The following CDKL4 variants were observed in gnomAD, a reference collection of about 807,000 sequenced individuals.
The protein encoded by CDKL4 is cyclin dependent kinase like 4, also known as cyclin-dependent kinase-like 4.
CDKL4 carries 44 observed loss-of-function variants against 42.0 expected under a neutral mutation model. The ratio of observed to expected loss-of-function variants is 1.05; its 90% CI spans 0.82 to 1.35. The LOEUF (loss-of-function observed/expected upper bound fraction) is 1.35. CDKL4 is among the 40% of genes most tolerant of loss of function. The pLI, the probability that CDKL4 is intolerant of heterozygous loss-of-function variation, is 0.00. For missense variants in CDKL4, 393 were observed against 369.9 expected, an observed-to-expected ratio of 1.06 and a Z score of -0.51; for synonymous variants, 120 against 121.6, an observed-to-expected ratio of 0.99 and a Z score of 0.09.
chr2:39,186,793 G>T (rs886216538), intron 7 of CDKL4, among the ~76,000 whole-genome samples: 3 of 151,812 alleles, frequency 2.0e-5, no homozygotes, highest in African/African-American at 7.3e-5. Context: ...GTCTTTATGA[G>T]AATATAATTA....
intron 8 of CDKL4, among the ~76,000 whole-genome samples, chr2:39,180,342 T>C (rs1462600183): frequency 6.6e-6 from 1 of 152,246 alleles, no homozygotes; most frequent in Non-Finnish European, 1.5e-5. Flanking sequence ...TGAGGCATTC[T>C]CAAGCCCAGA....
intron 8 of CDKL4, among the ~76,000 whole-genome samples, chr2:39,180,588 T>C (rs1258157548): frequency 1.3e-5 from 2 of 152,080 alleles, no homozygotes; most frequent in African/African-American, 4.8e-5. Context: ...AGATGACCCC[T>C]AATTAATGAC....
intron 1 of CDKL4, among the ~76,000 whole-genome samples, chr2:39,240,281 C>T (rs1679596697): frequency 6.9e-6 from 1 of 145,334 alleles, no homozygotes; most frequent in African/African-American, 2.8e-5. Flanking sequence ...AATAAATCAG[C>T]TGGGTGTGGT....
chr2:39,189,400 C>T (rs928593396), intron 6 of CDKL4, among the ~76,000 whole-genome samples: 4 of 152,178 alleles, frequency 2.6e-5, no homozygotes, highest in Admixed American at 2.0e-4. Context: ...TCTGTTTCCT[C>T]GTTTATAACA....
At position 39,188,607 on chromosome 2, in the gene CDKL4, G is replaced by T. The variant is rs548429943; in HGVS notation, c.653-898C>A. ...AAAAAAAAAGACAAGGTGAGAGAAT[G>T]GTACTATGGTCTTTACACACATTAT... On this transcript the variant is annotated intron_variant, in intron 6 of 9. Transcript: ENST00000451199. Among the ~76,000 whole-genome samples the T allele has an allele frequency of 1.0e-4, 15 of 143,462 alleles. No individual in the cohort carries two copies. The South Asian group carries it at 3.4e-3, about 33-fold the overall frequency. The allele number at this position is 143,462 out of a possible 152,430, so 94.1% of individuals were successfully genotyped here.
intron 4 of CDKL4, among the ~76,000 whole-genome samples, chr2:39,205,776 A>G (rs922648791): frequency 1.5e-4 from 23 of 150,782 alleles, no homozygotes; most frequent in African/African-American, 5.3e-4. Flanking sequence ...AAAAAAAAAA[A>G]AAAAGAAAGA....
intron 3 of CDKL4, among the ~76,000 whole-genome samples, chr2:39,218,581 C>A (rs926918382): frequency 6.6e-6 from 1 of 152,164 alleles, no homozygotes; most frequent in Non-Finnish European, 1.5e-5. Context: ...AATCAGTAGA[C>A]CGCGTAAAGA....
At chr2:39,203,520 T>A (rs1676981874) in intron 5 of CDKL4, among the ~76,000 whole-genome samples, 1 of 152,218 alleles carries the variant, frequency 6.6e-6, no homozygotes, top group Admixed American at 6.5e-5. Context: ...TCACTTAATT[T>A]CCTAAATTGA....
chr2:39,224,405 T>C (rs1678563400), intron 3 of CDKL4, among the ~76,000 whole-genome samples: 1 of 151,914 alleles, frequency 6.6e-6, no homozygotes, highest in Non-Finnish European at 1.5e-5. Flanking sequence ...ATCTCAGTTT[T>C]GTAGTTGTCT....
intron 7 of CDKL4, among the ~76,000 whole-genome samples, chr2:39,185,297 TATACACATATGTATATATAC>T (rs1675697629): frequency 2.8e-5 from 1 of 35,472 alleles, no homozygotes; most frequent in Non-Finnish European, 8.2e-5. Flanking sequence ...TATACATATA[TATACACATATGTATATATAC>T]ATATATATAC....
intron 3 of CDKL4, among the ~76,000 whole-genome samples, chr2:39,223,482 AAC>A (rs1482636334): frequency 1.3e-5 from 2 of 152,180 alleles, no homozygotes; most frequent in Admixed American, 1.3e-4. Flanking sequence ...TGCCAAATTT[AAC>A]AGATGAGAAA....
the CDKL4 span, among the ~76,000 whole-genome samples, chr2:39,170,327 A>AAAGAT: frequency 6.8e-6 from 1 of 147,676 alleles, no homozygotes; most frequent in African/African-American, 2.6e-5. Context: ...AAAGAAAAGA[A>AAAGAT]AAGATAAAAC....
intron 3 of CDKL4, among the ~76,000 whole-genome samples, chr2:39,218,849 T>C (rs1413351215): frequency 1.3e-5 from 2 of 152,216 alleles, no homozygotes; most frequent in Non-Finnish European, 2.9e-5. Context: ...TGGCAGATTG[T>C]GGAACTTCTC....
intron 5 of CDKL4, among the ~76,000 whole-genome samples, chr2:39,195,025 G>A (rs571652764): frequency 2.0e-5 from 3 of 152,080 alleles, no homozygotes; most frequent in African/African-American, 7.2e-5. Context: ...CCATGAATTT[G>A]ACTATTCTAG....
intron 4 of CDKL4, among the ~76,000 whole-genome samples, chr2:39,213,025 A>G (rs1333724799): frequency 6.6e-6 from 1 of 152,212 alleles, no homozygotes; most frequent in Non-Finnish European, 1.5e-5. Context: ...TGGCAAAAGG[A>G]ATCATTATAT....
intron 7 of CDKL4, among the ~76,000 whole-genome samples, chr2:39,186,427 T>C (rs1675832479): frequency 6.6e-6 from 1 of 152,190 alleles, no homozygotes; most frequent in Admixed American, 6.6e-5. Flanking sequence ...TGTGGACACA[T>C]GCTTTTCTTG....
intron 4 of CDKL4, among the ~76,000 whole-genome samples, chr2:39,205,462 T>C (rs1271153369): frequency 3.3e-5 from 5 of 151,856 alleles, no homozygotes; most frequent in African/African-American, 1.2e-4. Context: ...GACTTCCAAG[T>C]GTGAAAGAGG....
chr2:39,225,741 G>A, intron 3 of CDKL4, 98 bp downstream of exon 3: 2 of 1,220,340 alleles, frequency 1.6e-6, no homozygotes, highest in Non-Finnish European at 1.1e-6. Context: ...TGGTAGAAAG[G>A]GGAATTGTGG....
chr2:39,185,177 C>CATAT (rs1272570606), intron 7 of CDKL4, among the ~76,000 whole-genome samples: 1 of 112,678 alleles, frequency 8.9e-6, no homozygotes, highest in Non-Finnish European at 1.8e-5. Flanking sequence ...TATATATATA[C>CATAT]ATATGTGTAT....
Sources: allele counts gnomAD v4.1 joint callset (sites outside exome capture counted in the v4.1 genomes callset), GRCh38; gene constraint gnomAD v4.1.1; transcripts MANE v1.5; gene names NCBI Gene and HGNC (gene_info 2026-07-23, HGNC 2026-07-21).